The following MAGI2 variants were observed in gnomAD, a reference collection of about 807,000 sequenced individuals.
The protein encoded by MAGI2 is membrane-associated guanylate kinase, WW and PDZ domain-containing protein 2.
A neutral mutation model predicts 133.3 loss-of-function variants in MAGI2; 35 were observed. That is an observed-to-expected ratio of 0.26 (90% CI 0.20 to 0.35). MAGI2 has a LOEUF of 0.35. Among genes scored for constraint, MAGI2 ranks in the 10% least tolerant of loss-of-function variants. The pLI, the probability that MAGI2 is intolerant of heterozygous loss-of-function variation, is 1.00. For missense variants in MAGI2, 1,636 were observed against 1,863.4 expected, an observed-to-expected ratio of 0.88 and a Z score of 2.25; for synonymous variants, 729 against 710.6, an observed-to-expected ratio of 1.03 and a Z score of -0.41.
Position 78,295,201 on chromosome 7 carries a change from G to C in MAGI2, c.1409-38620C>G, listed in dbSNP as rs532587410. On this transcript the variant is annotated intron_variant, in intron 9 of 21. Coordinates refer to ENST00000354212, the MANE Select transcript of MAGI2 (RefSeq NM_012301.4). Reference sequence around the variant, plus strand: ...ATAGTTCAGGGATGGTATCCATGCTGCTGGCTTAGAGAAAGTGAGTCCCTG... The same window carrying C: ...ATAGTTCAGGGATGGTATCCATGCTCCTGGCTTAGAGAAAGTGAGTCCCTG... Among the ~76,000 whole-genome samples the C allele has an allele frequency of 2.0e-5, 3 of 152,142 alleles. No individual in the cohort carries two copies. In the South Asian group the frequency reaches 6.2e-4, roughly 31 times the overall value.
intron 2 of MAGI2, among the ~76,000 whole-genome samples, chr7:78,819,799 A>G (rs1360687519): frequency 6.6e-6 from 1 of 152,066 alleles, no homozygotes; most frequent in African/African-American, 2.4e-5. Flanking sequence ...ATCATCTAAA[A>G]GAGCACATAC....
chr7:78,282,808 G>C lies in MAGI2; in HGVS notation c.1409-26227C>G, dbSNP rs183517850. Among the ~76,000 whole-genome samples the C allele has an allele frequency of 2.7e-3, 414 of 152,086 alleles. 1 individual carries two copies. Among genetic ancestry groups the C allele is most frequent in the Non-Finnish European group, 4.5e-3 (309 of 67,978 alleles). On this transcript the variant is annotated intron_variant, in intron 9 of 21. Coordinates refer to ENST00000354212, the MANE Select transcript of MAGI2 (RefSeq NM_012301.4). The stretch of plus-strand genomic sequence containing the variant: ...ATTTCAAGCTTTGTTGACTTCATGA[G>C]GGGTGGGAGGGTCACAATATTTGTT...
chr7:79,437,530 T>G (rs893416524), intron 1 of MAGI2, among the ~76,000 whole-genome samples: 8 of 152,108 alleles, frequency 5.3e-5, no homozygotes, highest in Admixed American at 4.6e-4. Context: ...GTGAATAATT[T>G]TATATGTCAA....
chr7:78,205,448 A>G (rs1302543353), intron 10 of MAGI2, among the ~76,000 whole-genome samples: 2 of 152,206 alleles, frequency 1.3e-5, no homozygotes, highest in Non-Finnish European at 1.5e-5. Context: ...ACAACTTTTA[A>G]TGAACTGCAG....
chr7:78,958,647 T>C (rs1163399265), intron 2 of MAGI2, among the ~76,000 whole-genome samples: 2 of 152,154 alleles, frequency 1.3e-5, no homozygotes, highest in African/African-American at 2.4e-5. Flanking sequence ...CATGGGAACA[T>C]GCGGTTCATG....
chr7:78,393,893 CG>C (rs1163751837), intron 6 of MAGI2, among the ~76,000 whole-genome samples: 2 of 152,066 alleles, frequency 1.3e-5, no homozygotes, highest in Admixed American at 1.3e-4. Flanking sequence ...GACATTTCTT[CG>C]GAGGATAAAC....
In MAGI2 at chr7:78,513,545, A is replaced by T. The variant is rs565437902; in HGVS notation, c.754+7885T>A. ...TGAAAATCAGACCTACAGAGAATAT[A>T]TGACTGTGATTAGAAAAAAAGCTTA... On this transcript the variant is annotated intron_variant, in intron 4 of 21. Transcript: ENST00000354212. Among the ~76,000 whole-genome samples the T allele has an allele frequency of 4.6e-5, 7 of 152,294 alleles. No individual in the cohort carries two copies. In the East Asian group the frequency reaches 1.4e-3, roughly 29 times the overall value.
At chr7:79,135,792 T>C (rs9886174) in intron 1 of MAGI2, among the ~76,000 whole-genome samples, 12,041 of 151,410 alleles carry the variant, frequency 0.08, 1,050 homozygotes, top group African/African-American at 0.21. Flanking sequence ...ATTTAAAAAA[T>C]TAGCTGGGTG....
At chr7:79,196,970 T>A (rs1828144475) in intron 1 of MAGI2, among the ~76,000 whole-genome samples, 1 of 151,702 alleles carries the variant, frequency 6.6e-6, no homozygotes, top group African/African-American at 2.4e-5. Flanking sequence ...AGAGAGAGAC[T>A]GGGTTTTGCC....
At chr7:78,774,276 A>G (rs981025586) in intron 2 of MAGI2, among the ~76,000 whole-genome samples, 1 of 152,222 alleles carries the variant, frequency 6.6e-6, no homozygotes, top group Non-Finnish European at 1.5e-5. Flanking sequence ...GACAGAAAAA[A>G]GACTATTTAG....
At chr7:79,257,162 T>TATA (rs139953168) in intron 1 of MAGI2, among the ~76,000 whole-genome samples, 6 of 151,702 alleles carry the variant, frequency 4.0e-5, no homozygotes, top group African/African-American at 9.7e-5. Context: ...ATCTATCAGT[T>TATA]ATAATAATAA....
At chr7:78,730,322 A>G (rs1333542264) in intron 2 of MAGI2, among the ~76,000 whole-genome samples, 1 of 151,920 alleles carries the variant, frequency 6.6e-6, no homozygotes, top group African/African-American at 2.4e-5. Context: ...CAAGTTAATA[A>G]TACTTTGCTA....
chr7:78,820,953 A>C (rs576241622), intron 2 of MAGI2, among the ~76,000 whole-genome samples: 1 of 152,154 alleles, frequency 6.6e-6, no homozygotes, highest in South Asian at 2.1e-4. Context: ...GGGATACAAC[A>C]TGTCATTTAT....
chr7:79,024,631 G>A (rs1245097869), intron 1 of MAGI2, among the ~76,000 whole-genome samples: 2 of 151,998 alleles, frequency 1.3e-5, no homozygotes, highest in African/African-American at 2.4e-5. Context: ...CATATCCAGA[G>A]TCTGTAAGTA....
intron 1 of MAGI2, among the ~76,000 whole-genome samples, chr7:79,446,279 C>G (rs1424861309): frequency 6.6e-6 from 1 of 152,110 alleles, no homozygotes; most frequent in Non-Finnish European, 1.5e-5. Flanking sequence ...AACTAACCTG[C>G]ACGTTGAGCA....
chr7:78,991,522 C>G (rs937880887), intron 2 of MAGI2, among the ~76,000 whole-genome samples: 5 of 151,436 alleles, frequency 3.3e-5, no homozygotes, highest in African/African-American at 1.2e-4. Context: ...AACTGCATTT[C>G]AACTCTGGCT....
chr7:78,596,403 T>G (rs879425220), intron 3 of MAGI2, among the ~76,000 whole-genome samples: 10 of 152,166 alleles, frequency 6.6e-5, no homozygotes, highest in Non-Finnish European at 1.0e-4. Flanking sequence ...CCATCAGTCC[T>G]CTGGCCCCAA....
At chr7:78,146,203 A>G (rs546315040) in intron 16 of MAGI2, among the ~76,000 whole-genome samples, 27 of 152,090 alleles carry the variant, frequency 1.8e-4, no homozygotes, top group Non-Finnish European at 3.5e-4. Flanking sequence ...TAAAGAAATG[A>G]GTGGGTCTGT....
intron 2 of MAGI2, among the ~76,000 whole-genome samples, chr7:78,762,136 A>G (rs180849682): frequency 1.1e-4 from 5 of 43,894 alleles, no homozygotes; most frequent in Admixed American, 1.1e-3. Flanking sequence ...TAAAATGGAG[A>G]CTGCCAAGAA....
Sources: gnomAD v4.1 joint callset for allele counts (sites outside exome capture counted in the v4.1 genomes callset) on GRCh38, gnomAD v4.1.1 for gene constraint, MANE v1.5 for transcripts, NCBI Gene and HGNC (gene_info 2026-07-23, HGNC 2026-07-21) for gene names.